The following CCDC191 variants were observed in gnomAD, a reference collection of about 807,000 sequenced individuals.
CCDC191 encodes coiled-coil domain-containing protein 191.
A neutral mutation model predicts 114.0 loss-of-function variants in CCDC191; 99 were observed. The ratio of observed to expected loss-of-function variants is 0.87; its 90% CI spans 0.74 to 1.03. The LOEUF (loss-of-function observed/expected upper bound fraction) is 1.03. Ranked by LOEUF, CCDC191 falls within the 50% of genes least tolerant of loss-of-function variation. The pLI is 0.00. For missense variants in CCDC191, 973 were observed against 1,087.0 expected, an observed-to-expected ratio of 0.90 and a Z score of 1.47; for synonymous variants, 351 against 376.0, an observed-to-expected ratio of 0.93 and a Z score of 0.77.
intron 8 of CCDC191, among the ~76,000 whole-genome samples, chr3:114,018,097 G>A (rs1358594229): frequency 2.0e-5 from 3 of 152,228 alleles, no homozygotes; most frequent in Non-Finnish European, 2.9e-5. Flanking sequence ...GGTAGAGTGG[G>A]AGGAATCACT....
At chr3:113,980,602 T>C in intron 14 of CCDC191, 48 bp downstream of exon 14, 3 of 1,512,032 alleles carry the variant, frequency 2.0e-6, no homozygotes, top group Non-Finnish European at 2.6e-6. Context: ...CCATCCTATT[T>C]GGAAAAGTCC....
At chr3:114,032,993 A>G (rs2076428801) in intron 6 of CCDC191, among the ~76,000 whole-genome samples, 1 of 152,176 alleles carries the variant, frequency 6.6e-6, no homozygotes, top group Non-Finnish European at 1.5e-5. Context: ...CATGAAACTG[A>G]TTTTTTAAAA....
intron 9 of CCDC191, among the ~76,000 whole-genome samples, chr3:114,006,877 C>T (rs1032798541): frequency 2.0e-5 from 3 of 151,904 alleles, no homozygotes; most frequent in Non-Finnish European, 4.4e-5. Flanking sequence ...CCTAGCTAAC[C>T]GTTTCCAGCT....
chr3:113,964,453 AGT>A lies in CCDC191; in HGVS notation c.*700_*701del, dbSNP rs1036437333. On this transcript the variant is annotated 3_prime_UTR_variant, in exon 17 of 17. Coordinates refer to ENST00000295878, the MANE Select transcript of CCDC191 (RefSeq NM_020817.2). ...GAGCTGAGTACTAGAAGACAAACTG[AGT>A]GTATTATTCAGCAGTTGCAGGTGGG... 4 of 152,306 alleles carry A rather than the reference AGT, an allele frequency of 2.6e-5. No individual in the cohort carries two copies. The highest frequency in any genetic ancestry group is 3.9e-4 in the East Asian group (2 of 5,188). The allele number at this position is 152,306 out of a possible 1,614,324, so 9.4% of individuals were successfully genotyped here.
At chr3:114,047,237 A>G in intron 2 of CCDC191, 1 of 480,098 alleles carries the variant, frequency 2.1e-6, no homozygotes, top group Non-Finnish European at 2.7e-6. Flanking sequence ...ACTGAACTGT[A>G]GCCATCTAGA....
Position 114,038,574 on chromosome 3 carries a change from A to G in CCDC191, c.416-1788T>C, listed in dbSNP as rs140733532. ...GCTATTGTGAAGAGTGTGTGCTGCA[A>G]TGAACATACACCTGCATGTATCTTT... is the stretch of plus-strand genomic sequence containing the variant. On this transcript the variant is annotated intron_variant, in intron 4 of 16. Transcript: ENST00000295878. Among the ~76,000 whole-genome samples the G allele has an allele frequency of 1.1e-3, 171 of 152,294 alleles. 3 individuals carry two copies. The highest frequency in any genetic ancestry group is 3.9e-3 in the African/African-American group (163 of 41,572).
intron 2 of CCDC191, chr3:114,046,974 T>C (rs917834266): frequency 1.0e-6 from 1 of 958,522 alleles, no homozygotes; most frequent in Non-Finnish European, 1.2e-6. Flanking sequence ...AATTTTGATA[T>C]TTGAATAAAA....
At position 113,965,310 on chromosome 3, in the gene CCDC191, T is replaced by C. The variant is rs779967566; in HGVS notation, c.2656A>G (p.Met886Val). The C allele has an allele frequency of 6.2e-7, 1 of 1,610,870 alleles. No homozygotes were observed. Among genetic ancestry groups the C allele is most frequent in the Admixed American group, 1.7e-5 (1 of 59,522 alleles). ...TCTTCTTTTACTCTTTCCTCTTTCA[T>C]AAATTTTACAAACTTCTTCCATGTC... is the stretch of plus-strand genomic sequence containing the variant. ...LRTWKKFVKF[M>V]KEERVKEERR... Residue 886 changes from methionine to valine, a missense_variant, in exon 17 of 17, where the codon ATG (methionine) becomes GTG (valine). Transcript: ENST00000295878.
At chr3:113,993,918 C>T (rs2075648084) in intron 13 of CCDC191, among the ~76,000 whole-genome samples, 1 of 151,734 alleles carries the variant, frequency 6.6e-6, no homozygotes, top group Non-Finnish European at 1.5e-5. Context: ...AAATTAACTC[C>T]AAATAGACCA....
In CCDC191 at chr3:114,056,523, G is replaced by C. The variant is rs769803280; in HGVS notation, c.-57C>G. 9.3e-6 allele frequency: 15 copies of C among 1,612,384 alleles called. No homozygotes were observed. The highest frequency in any genetic ancestry group is 8.0e-5 in the African/African-American group (6 of 74,910). On this transcript the variant is annotated 5_prime_UTR_variant, in exon 1 of 17. Coordinates refer to ENST00000295878, the MANE Select transcript of CCDC191 (RefSeq NM_020817.2). Reference sequence around the variant, plus strand: ...GCTGCAGCAACCGCCCTTCTGCCCGGGCTGCCTCCGGGTCACGCTGGGAAT... The same window carrying C: ...GCTGCAGCAACCGCCCTTCTGCCCGCGCTGCCTCCGGGTCACGCTGGGAAT...
In CCDC191 at chr3:113,964,821, G is replaced by A. The variant is rs114330037; in HGVS notation, c.*334C>T. 0.018 allele frequency: 2,964 copies of A among 163,302 alleles called. 67 individuals carry two copies. The highest frequency in any genetic ancestry group is 0.061 in the African/African-American group (2,576 of 41,994). 10.1% of individuals were successfully genotyped at this position (163,302 alleles called of 1,614,324 possible). A position where few individuals can be genotyped will look rare whatever the true frequency, so the allele number is the denominator to read the frequency against. On this transcript the variant is annotated 3_prime_UTR_variant, in exon 17 of 17. Coordinates refer to ENST00000295878, the MANE Select transcript of CCDC191 (RefSeq NM_020817.2). ...TAAGGTCACATCAGCAACTCCTGTC[G>A]TGCTATACGGACACATTTTCTTCAC...
rs1207773359 is a variant in CCDC191 at position 113,965,232 on chromosome 3, C to T, written c.2734G>A (p.Val912Ile). ...KVVEILPDFQ[V>I]PGRYHELYQQ... ...TATAGCTCGTGGTACCTTCCAGGTACCTGGAAGTCTGGAAGAATTTCAACT... is the reference window on the plus strand; with the variant it reads ...TATAGCTCGTGGTACCTTCCAGGTATCTGGAAGTCTGGAAGAATTTCAACT... Residue 912 changes from valine to isoleucine, a missense_variant, in exon 17 of 17, where the codon GTA (valine) becomes ATA (isoleucine). Physicochemically the swap from Val to Ile is conservative, Grantham distance 29 (BLOSUM62 3). Coordinates refer to ENST00000295878, the MANE Select transcript of CCDC191 (RefSeq NM_020817.2). 12 of 1,612,122 alleles carry T rather than the reference C, an allele frequency of 7.4e-6. No individual in the cohort carries two copies. Among genetic ancestry groups the T allele is most frequent in the South Asian group, 2.2e-5 (2 of 90,630 alleles).
Position 114,056,519 on chromosome 3 carries a change from C to CCCGGGCTGCCT in CCDC191, c.-54_-53insAGGCAGCCCGG. 6.2e-7 allele frequency: 1 copy of CCCGGGCTGCCT among 1,613,004 alleles called. No individual in the cohort carries two copies. The stretch of plus-strand genomic sequence containing the variant: ...CAAAGCTGCAGCAACCGCCCTTCTG[C>CCCGGGCTGCCT]CCGGGCTGCCTCCGGGTCACGCTGG... On this transcript the variant is annotated 5_prime_UTR_variant, in exon 1 of 17. Transcript: ENST00000295878.
chr3:114,034,083 A>G (rs534471572), intron 6 of CCDC191, among the ~76,000 whole-genome samples: 1 of 152,346 alleles, frequency 6.6e-6, no homozygotes, highest in African/African-American at 2.4e-5. Context: ...ATGAGGATGG[A>G]TAATAGTACT....
intron 1 of CCDC191, among the ~76,000 whole-genome samples, chr3:114,056,110 C>G (rs866807332): frequency 7.2e-5 from 11 of 152,070 alleles, no homozygotes; most frequent in African/African-American, 2.7e-4. Context: ...TCCTTTCACC[C>G]CGATGGGCAT....
intron 16 of CCDC191, among the ~76,000 whole-genome samples, chr3:113,973,699 G>A (rs1419493663): frequency 3.3e-5 from 5 of 151,534 alleles, no homozygotes; most frequent in Admixed American, 6.6e-5. Flanking sequence ...ATGAATTGGA[G>A]CTTCATTATA....
chr3:114,015,430 A>G (rs2076143368), intron 8 of CCDC191, among the ~76,000 whole-genome samples: 1 of 152,168 alleles, frequency 6.6e-6, no homozygotes, highest in Admixed American at 6.6e-5. Context: ...ATCCATAGTT[A>G]TTGGGGTAGA....
intron 16 of CCDC191, among the ~76,000 whole-genome samples, chr3:113,973,409 A>C (rs1941013428): frequency 6.6e-6 from 1 of 151,992 alleles, no homozygotes; most frequent in Admixed American, 6.6e-5. Flanking sequence ...TAGGTTTTCT[A>C]CTGTCAACTG....
intron 9 of CCDC191, among the ~76,000 whole-genome samples, chr3:114,008,708 T>C (rs151204056): frequency 1.1e-3 from 162 of 152,158 alleles, no homozygotes; most frequent in Non-Finnish European, 1.4e-3. Flanking sequence ...AAAGCATCAA[T>C]AGTCTTAAAA....
Sources: allele counts gnomAD v4.1 joint callset (sites outside exome capture counted in the v4.1 genomes callset), GRCh38; gene constraint gnomAD v4.1.1; transcripts MANE v1.5; gene names NCBI Gene and HGNC (gene_info 2026-07-23, HGNC 2026-07-21).